MEF2A: variants seen among roughly 807,000 people sequenced by gnomAD.
MEF2A encodes myocyte-specific enhancer factor 2A.
In MEF2A, 28 loss-of-function variants were observed where a neutral mutation model predicts 55.8. That is an observed-to-expected ratio of 0.50 (90% confidence interval 0.37 to 0.69). MEF2A has a LOEUF of 0.69. Among genes scored for constraint, MEF2A ranks in the 30% least tolerant of loss-of-function variants. The probability of loss-of-function intolerance (pLI) is 0.00; values close to 1 mark genes in which losing one functional copy is unlikely to be tolerated. For missense variants in MEF2A, 528 were observed against 626.2 expected, an observed-to-expected ratio of 0.84 and a Z score of 1.67; for synonymous variants, 239 against 227.1, an observed-to-expected ratio of 1.05 and a Z score of -0.47.
chr15:99,656,959 C>A (rs1439861987), intron 4 of MEF2A, among the ~76,000 whole-genome samples: 2 of 152,026 alleles, frequency 1.3e-5, no homozygotes, highest in Non-Finnish European at 1.5e-5. Flanking sequence ...CAATCACTTA[C>A]CAACTCCTCC....
At chr15:99,595,773 T>A (rs1970954087) in intron 1 of MEF2A, among the ~76,000 whole-genome samples, 1 of 152,160 alleles carries the variant, frequency 6.6e-6, no homozygotes, top group South Asian at 2.1e-4. Context: ...GAAGTGTACG[T>A]TTGATCTATA....
chr15:99,683,600 C>T (rs962059094), intron 7 of MEF2A, among the ~76,000 whole-genome samples: 11 of 151,292 alleles, frequency 7.3e-5, no homozygotes, highest in South Asian at 2.1e-4. Flanking sequence ...AGTGGGGTTT[C>T]GCCATGTTGG....
At chr15:99,598,804 GA>G (rs985574253) in intron 2 of MEF2A, among the ~76,000 whole-genome samples, 9 of 151,716 alleles carry the variant, frequency 5.9e-5, no homozygotes, top group African/African-American at 2.2e-4. Context: ...GAAGAAAGAA[GA>G]AAAAAAATTA....
At chr15:99,606,241 A>C (rs961487975) in intron 2 of MEF2A, among the ~76,000 whole-genome samples, 15 of 152,170 alleles carry the variant, frequency 9.9e-5, no homozygotes, top group African/African-American at 3.6e-4. Flanking sequence ...TGCAAACATC[A>C]GTTTAAGAAT....
chr15:99,670,482 C>T (rs557798149), intron 4 of MEF2A, among the ~76,000 whole-genome samples: 20 of 152,092 alleles, frequency 1.3e-4, no homozygotes, highest in African/African-American at 4.3e-4. Flanking sequence ...TGGTGGCGGG[C>T]GCTTGTAGTC....
intron 8 of MEF2A, among the ~76,000 whole-genome samples, chr15:99,701,564 A>G (rs1355231450): frequency 6.6e-6 from 1 of 152,228 alleles, no homozygotes; most frequent in African/African-American, 2.4e-5. Context: ...AGTAAAGTCC[A>G]AAGCTTTAAT....
At chr15:99,650,898 G>A (rs79281739) in intron 4 of MEF2A, among the ~76,000 whole-genome samples, 10,757 of 152,196 alleles carry the variant, frequency 0.071, 484 homozygotes, top group Middle Eastern at 0.13. Flanking sequence ...AGCCAAAGCA[G>A]TCATGAATTA....
At position 99,716,187 on chromosome 15, in the gene MEF2A, T is replaced by C. The variant is rs2059133989; in HGVS notation, c.*3416T>C. Reference sequence around the variant, plus strand: ...CTTTGCTATATTTAAAATGGCTTTTTTAAAAGAGATTTATGTATTTGGTAA... The same window carrying C: ...CTTTGCTATATTTAAAATGGCTTTTCTAAAAGAGATTTATGTATTTGGTAA... On this transcript the variant is annotated 3_prime_UTR_variant, in exon 12 of 12. Transcript: ENST00000557942. 3 of 183,904 alleles carry C rather than the reference T, an allele frequency of 1.6e-5. No individual in the cohort carries two copies. The highest frequency in any genetic ancestry group is 3.5e-5 in the Non-Finnish European group (3 of 85,492). 11.4% of individuals were successfully genotyped at this position (183,904 alleles called of 1,614,324 possible).
chr15:99,696,598 G>A (rs754405514), intron 8 of MEF2A, among the ~76,000 whole-genome samples: 15 of 151,916 alleles, frequency 9.9e-5, no homozygotes, highest in Non-Finnish European at 2.1e-4. Flanking sequence ...AACTAGAGTA[G>A]TGATGAGGTG....
chr15:99,618,775 A>G (rs544937945), intron 2 of MEF2A, among the ~76,000 whole-genome samples: 93 of 152,374 alleles, frequency 6.1e-4, no homozygotes, highest in Non-Finnish European at 1.1e-3. Context: ...ATAGGCAGGC[A>G]TTCTCTATAC....
At chr15:99,645,169 A>T (rs1477896655) in intron 3 of MEF2A, among the ~76,000 whole-genome samples, 1 of 152,138 alleles carries the variant, frequency 6.6e-6, no homozygotes, top group Non-Finnish European at 1.5e-5. Flanking sequence ...AGATTAGTGG[A>T]TGTATTTAGT....
intron 1 of MEF2A, among the ~76,000 whole-genome samples, chr15:99,571,267 G>T (rs776502015): frequency 3.3e-5 from 5 of 151,690 alleles, no homozygotes; most frequent in Non-Finnish European, 5.9e-5. Context: ...TTCTTATTTA[G>T]TTACTTGCAC....
chr15:99,586,291 C>T (rs1296951038), intron 1 of MEF2A, among the ~76,000 whole-genome samples: 1 of 152,140 alleles, frequency 6.6e-6, no homozygotes, highest in Admixed American at 6.5e-5. Flanking sequence ...TTTACAGTCC[C>T]ATCAGTAGTA....
At chr15:99,685,630 A>G (rs189091777) in intron 7 of MEF2A, among the ~76,000 whole-genome samples, 48 of 152,238 alleles carry the variant, frequency 3.2e-4, no homozygotes, top group Non-Finnish European at 2.2e-4. Context: ...TGACTTGTGT[A>G]TGTTAAACCA....
At chr15:99,601,669 G>C (rs898085159) in intron 2 of MEF2A, among the ~76,000 whole-genome samples, 1 of 151,938 alleles carries the variant, frequency 6.6e-6, no homozygotes, top group Non-Finnish European at 1.5e-5. Flanking sequence ...AACCATTCAT[G>C]TATTCTTAGG....
At chr15:99,591,256 C>T (rs1275558530) in intron 1 of MEF2A, among the ~76,000 whole-genome samples, 3 of 152,114 alleles carry the variant, frequency 2.0e-5, no homozygotes, top group Non-Finnish European at 4.4e-5. Flanking sequence ...TTTGAAATGT[C>T]TTTATTTCCC....
intron 2 of MEF2A, among the ~76,000 whole-genome samples, chr15:99,626,664 C>G (rs935935607): frequency 2.0e-5 from 3 of 152,010 alleles, no homozygotes; most frequent in African/African-American, 7.3e-5. Context: ...TATCAATTTC[C>G]ACATACAATA....
intron 1 of MEF2A, among the ~76,000 whole-genome samples, chr15:99,584,701 G>T (rs1303450046): frequency 6.6e-6 from 1 of 152,156 alleles, no homozygotes; most frequent in Non-Finnish European, 1.5e-5. Context: ...TAGGCATAGG[G>T]AATGGGGAGT....
At chr15:99,614,130 T>C (rs1199880914) in intron 2 of MEF2A, among the ~76,000 whole-genome samples, 1 of 152,244 alleles carries the variant, frequency 6.6e-6, no homozygotes, top group East Asian at 1.9e-4. Flanking sequence ...AGATGCCATC[T>C]ACCTCACAGG....
Sources: allele counts gnomAD v4.1 joint callset (sites outside exome capture counted in the v4.1 genomes callset), GRCh38; gene constraint gnomAD v4.1.1; transcripts MANE v1.5; gene names NCBI Gene and HGNC (gene_info 2026-07-23, HGNC 2026-07-21).